Variants in VGLL4 observed in about 807,000 individuals in gnomAD.
The protein encoded by VGLL4 is transcription cofactor vestigial-like protein 4.
Under a neutral mutation model 21.0 loss-of-function variants are expected in VGLL4, and 7 were observed. That is an observed-to-expected ratio of 0.33 (90% CI 0.19 to 0.63). The LOEUF (loss-of-function observed/expected upper bound fraction) is 0.63. Ranked by LOEUF, VGLL4 falls within the 20% of genes least tolerant of loss-of-function variation. VGLL4 has a pLI of 0.78. For synonymous variants in VGLL4, 222 were observed against 173.2 expected, an observed-to-expected ratio of 1.28 and a Z score of -2.21; for missense variants, 394 against 425.7, an observed-to-expected ratio of 0.93 and a Z score of 0.66.
At position 11,558,459 on chromosome 3, in the gene VGLL4, CCA is replaced by C; in HGVS notation, c.*95_*96del. The C allele has an allele frequency of 2.9e-6, 3 of 1,050,344 alleles. No homozygotes were observed. The highest frequency in any genetic ancestry group is 2.6e-6 in the Non-Finnish European group (2 of 760,652). 65.1% of individuals were successfully genotyped at this position (1,050,344 alleles called of 1,614,324 possible). ...AAATAAACCATCCCTTCCCTTCCCCCCACCCCACCCCCATGATTTTTTTTTTT... is the reference window on the plus strand; with the variant it reads ...AAATAAACCATCCCTTCCCTTCCCCCCCCCACCCCCATGATTTTTTTTTTT... On this transcript the variant is annotated 3_prime_UTR_variant, in exon 5 of 5. Coordinates refer to ENST00000430365, the MANE Select transcript of VGLL4 (RefSeq NM_001128219.3).
chr3:11,678,526 T>C (rs11711347), intron 2 of VGLL4, among the ~76,000 whole-genome samples: 80,475 of 152,106 alleles, frequency 0.53, 22,358 homozygotes, highest in Non-Finnish European at 0.63. Context: ...TAAAGTGGCT[T>C]TTGCTTAGCT....
At chr3:11,634,913 C>T (rs1559914310) in intron 1 of VGLL4, among the ~76,000 whole-genome samples, 1 of 152,206 alleles carries the variant, frequency 6.6e-6, no homozygotes, top group Non-Finnish European at 1.5e-5. Context: ...CTCAAGCAAT[C>T]TGCCTGCCTC....
At chr3:11,574,248 T>C (rs554824001) in intron 2 of VGLL4, among the ~76,000 whole-genome samples, 43 of 152,310 alleles carry the variant, frequency 2.8e-4, no homozygotes, top group African/African-American at 7.9e-4. Context: ...CTTTAGATAT[T>C]TGCCACACCC....
At chr3:11,707,903 A>C (rs1376450872) in intron 1 of VGLL4, among the ~76,000 whole-genome samples, 1 of 152,164 alleles carries the variant, frequency 6.6e-6, no homozygotes, top group Admixed American at 6.6e-5. Context: ...TCTTATATAC[A>C]TCCTATCCAC....
rs771000362 is a variant in VGLL4, at chr3:11,558,612, C to A, written c.835G>T (p.Ala279Ser). The change falls in exon 5 of 5, where the codon GCC (alanine) becomes TCC (serine). Residue 279 changes from alanine to serine, a missense_variant. By Grantham distance (99) the Ala-to-Ser change is moderately conservative. Coordinates refer to ENST00000430365, the MANE Select transcript of VGLL4 (RefSeq NM_001128219.3). ...CTGACCATGTGGGCAGAGGGGCTGG[C>A]GGGCTGGCCCCTGCGAGAGGCGGAC... Reference protein sequence around the residue: ...PESASRRGQPASPSAHMVSHS... With the variant: ...PESASRRGQPSSPSAHMVSHS... 1 of 1,606,954 alleles carries A rather than the reference C, an allele frequency of 6.2e-7. No homozygotes were observed. Among genetic ancestry groups the A allele is most frequent in the African/African-American group, 1.3e-5 (1 of 74,972 alleles).
In VGLL4 at chr3:11,573,296, AAAGAAAGAAAGGAAGG is replaced by A. The variant is rs1559869877; in HGVS notation, c.273-8293_273-8278del. Among the ~76,000 whole-genome samples the A allele has an allele frequency of 6.3e-3, 71 of 11,324 alleles. 5 individuals carry two copies. The highest frequency in any genetic ancestry group is 0.029 in the East Asian group (13 of 444). The allele number at this position is 11,324 out of a possible 152,430, so 7.4% of individuals were successfully genotyped here. The stretch of plus-strand genomic sequence containing the variant: ...GAAAGAAAGAAAGAAAGAAAGAAAG[AAAGAAAGAAAGGAAGG>A]AAGGAAGAAAGAAAGAAAGAAAGAA... On this transcript the variant is annotated intron_variant, in intron 2 of 4. Coordinates refer to ENST00000430365, the MANE Select transcript of VGLL4 (RefSeq NM_001128219.3).
intron 1 of VGLL4, chr3:11,626,405 T>C (rs2075353259): frequency 2.2e-6 from 1 of 456,778 alleles, no homozygotes; most frequent in African/African-American, 2.0e-5. Context: ...TTCAAGTCTT[T>C]CATTCTCCTC....
At chr3:11,575,669 T>A (rs1415106128) in intron 2 of VGLL4, among the ~76,000 whole-genome samples, 1 of 152,238 alleles carries the variant, frequency 6.6e-6, no homozygotes. Flanking sequence ...GTGATTTTAG[T>A]TAGAGACCTG....
chr3:11,586,147 A>G (rs1178976899), intron 2 of VGLL4, among the ~76,000 whole-genome samples: 1 of 152,280 alleles, frequency 6.6e-6, no homozygotes, highest in Non-Finnish European at 1.5e-5. Context: ...ATCTTAAAGT[A>G]TAAAGGGCAT....
chr3:11,624,241 G>A (rs1401310402), intron 1 of VGLL4, among the ~76,000 whole-genome samples: 1 of 152,136 alleles, frequency 6.6e-6, no homozygotes, highest in Non-Finnish European at 1.5e-5. Flanking sequence ...GCCCCAAGAG[G>A]TGTCTCTTCT....
chr3:11,684,597 G>T (rs1438050211), intron 2 of VGLL4, among the ~76,000 whole-genome samples: 5 of 151,820 alleles, frequency 3.3e-5, no homozygotes, highest in Non-Finnish European at 7.4e-5. Context: ...CCCAGACTAG[G>T]CTCGAACTCC....
intron 1 of VGLL4, among the ~76,000 whole-genome samples, chr3:11,717,231 G>A (rs910954926): frequency 3.4e-5 from 5 of 146,820 alleles, no homozygotes; most frequent in African/African-American, 1.3e-4. Flanking sequence ...AAATTTTCCC[G>A]TGTATTTTAT....
intron 2 of VGLL4, among the ~76,000 whole-genome samples, chr3:11,674,011 CAAAAAAAAAAAAA>C (rs11293628): frequency 8.8e-5 from 5 of 56,880 alleles, no homozygotes; most frequent in Admixed American, 2.7e-4. Flanking sequence ...GACTTTGTCT[CAAAAAAAAAAAAA>C]AAAAAAAAAA....
At position 11,557,883 on chromosome 3, in the gene VGLL4, C is replaced by CTA. The variant is rs2072587170; in HGVS notation, c.*671_*672dup. ...ACCTGAAATCTAGAGAGAGAAAGAC[C>CTA]TATAACCTGTATGAGACTTCCCCTT... On this transcript the variant is annotated 3_prime_UTR_variant, in exon 5 of 5. Transcript: ENST00000430365. 1.3e-5 allele frequency: 2 copies of CTA among 153,004 alleles called. No individual in the cohort carries two copies. The highest frequency in any genetic ancestry group is 6.5e-5 in the Admixed American group (1 of 15,334). 9.5% of individuals were successfully genotyped at this position (153,004 alleles called of 1,614,324 possible). A position where few individuals can be genotyped will look rare whatever the true frequency, so the allele number is the denominator to read the frequency against.
intron 1 of VGLL4, among the ~76,000 whole-genome samples, chr3:11,618,854 T>C (rs998318561): frequency 6.6e-6 from 1 of 152,130 alleles, no homozygotes; most frequent in Admixed American, 6.5e-5. Context: ...TATTGGGGGA[T>C]GGGGATGTTG....
rs1559892221 is a variant in VGLL4 at position 11,601,894 on chromosome 3, C to CTAG, written c.210_211insCTA (p.Asp70_Glu71insLeu). 2 of 1,613,640 alleles carry CTAG rather than the reference C, an allele frequency of 1.2e-6. No homozygotes were observed. Among genetic ancestry groups the CTAG allele is most frequent in the African/African-American group, 2.7e-5 (2 of 74,880 alleles). ...TGGTCGTTGTCACAGTCTAGGTCCT[C>CTAG]GTCACCTGGCTCCATGCTGAACTTC... is the stretch of plus-strand genomic sequence containing the variant. On this transcript the variant is annotated inframe_insertion, in exon 2 of 5. Coordinates refer to ENST00000430365, the MANE Select transcript of VGLL4 (RefSeq NM_001128219.3).
upstream of VGLL4, chr3:11,721,773 A>G (rs2124848527): frequency 6.6e-6 from 1 of 152,344 alleles, no homozygotes; most frequent in East Asian, 1.9e-4. Flanking sequence ...TCTATTTGTT[A>G]TAGGATTTGG....
At chr3:11,569,591 A>G (rs2073694439) in intron 2 of VGLL4, among the ~76,000 whole-genome samples, 1 of 152,242 alleles carries the variant, frequency 6.6e-6, no homozygotes, top group African/African-American at 2.4e-5. Flanking sequence ...GCACAGGGCC[A>G]GTGAGTGGGC....
chr3:11,675,317 G>T (rs1052167523), intron 2 of VGLL4, among the ~76,000 whole-genome samples: 1 of 152,070 alleles, frequency 6.6e-6, no homozygotes, highest in African/African-American at 2.4e-5. Flanking sequence ...CTGCACTCCA[G>T]CCTGGGGGAC....
Sources: allele counts gnomAD v4.1 joint callset (sites outside exome capture counted in the v4.1 genomes callset), GRCh38; gene constraint gnomAD v4.1.1; transcripts MANE v1.5; gene names NCBI Gene and HGNC (gene_info 2026-07-23, HGNC 2026-07-21).